Variants in KLHL1 observed in about 807,000 individuals in gnomAD.
KLHL1 encodes the protein kelch like family member 1, also known as kelch-like protein 1.
A neutral mutation model predicts 77.7 loss-of-function variants in KLHL1; 47 were observed. That is an observed-to-expected ratio of 0.60 (90% CI 0.48 to 0.77). The LOEUF (loss-of-function observed/expected upper bound fraction) is 0.77, where lower values mean the gene tolerates loss of function less well. Among genes scored for constraint, KLHL1 ranks in the 30% least tolerant of loss-of-function variants. The pLI, the probability that KLHL1 is intolerant of heterozygous loss-of-function variation, is 0.00. For missense variants in KLHL1, 925 were observed against 910.8 expected, an observed-to-expected ratio of 1.02 and a Z score of -0.20; for synonymous variants, 360 against 325.2, an observed-to-expected ratio of 1.11 and a Z score of -1.15.
chr13:69,705,139 T>C (rs1875567257), intron 10 of KLHL1, among the ~76,000 whole-genome samples: 1 of 151,638 alleles, frequency 6.6e-6, no homozygotes, highest in African/African-American at 2.4e-5. Context: ...ACCAAGATAA[T>C]ACATTATTAA....
intron 4 of KLHL1, among the ~76,000 whole-genome samples, chr13:69,916,130 A>G (rs1413446312): frequency 1.3e-5 from 2 of 152,078 alleles, no homozygotes; most frequent in African/African-American, 4.8e-5. Flanking sequence ...GAACACTTTT[A>G]CACTGTTGGT....
intron 5 of KLHL1, among the ~76,000 whole-genome samples, chr13:69,840,119 ATTAAAT>A (rs1879186789): frequency 6.6e-6 from 1 of 152,116 alleles, no homozygotes; most frequent in Non-Finnish European, 1.5e-5. Context: ...CATGTGACTA[ATTAAAT>A]TTAACACTAT....
chr13:69,942,631 C>T (rs184829052), intron 3 of KLHL1, among the ~76,000 whole-genome samples: 1,561 of 151,958 alleles, frequency 0.01, 26 homozygotes, highest in African/African-American at 0.035. Context: ...ACCCATATAA[C>T]CTTCATCTGG....
At chr13:69,923,836 C>T (rs1228104117) in intron 4 of KLHL1, among the ~76,000 whole-genome samples, 1 of 152,134 alleles carries the variant, frequency 6.6e-6, no homozygotes, top group Non-Finnish European at 1.5e-5. Flanking sequence ...GTTTGCACTT[C>T]CCAGGCGCAG....
At chr13:70,060,583 C>CCTGT (rs1886856985) in intron 1 of KLHL1, among the ~76,000 whole-genome samples, 1 of 151,856 alleles carries the variant, frequency 6.6e-6, no homozygotes, top group African/African-American at 2.4e-5. Context: ...ATGGCTCATG[C>CCTGT]CTGTAATCCA....
At chr13:69,747,978 T>C (rs1874291278) in intron 7 of KLHL1, among the ~76,000 whole-genome samples, 1 of 152,068 alleles carries the variant, frequency 6.6e-6, no homozygotes. Context: ...AACATTTACA[T>C]TATCCATTAA....
At chr13:69,880,388 G>T (rs575467036) in intron 5 of KLHL1, among the ~76,000 whole-genome samples, 20 of 152,130 alleles carry the variant, frequency 1.3e-4, no homozygotes, top group African/African-American at 4.1e-4. Flanking sequence ...TGTTGTGAAG[G>T]TACATATAAA....
intron 1 of KLHL1, among the ~76,000 whole-genome samples, chr13:70,052,728 T>TTC (rs943337285): frequency 6.6e-5 from 10 of 151,664 alleles, no homozygotes; most frequent in African/African-American, 1.9e-4. Context: ...CAGGCTCTCC[T>TTC]TCTCTCTCTC....
At chr13:69,963,665 C>A (rs954476005) in intron 2 of KLHL1, among the ~76,000 whole-genome samples, 1 of 152,086 alleles carries the variant, frequency 6.6e-6, no homozygotes, top group Admixed American at 6.6e-5. Flanking sequence ...AACACTCTAC[C>A]TTCATGGATA....
chr13:70,095,389 A>G (rs932461312), intron 1 of KLHL1, among the ~76,000 whole-genome samples: 28 of 152,204 alleles, frequency 1.8e-4, no homozygotes, highest in African/African-American at 6.5e-4. Flanking sequence ...ATAAAATTAC[A>G]TGGAATCTTA....
rs1298047800 is a variant in KLHL1, at chr13:69,844,763, T to TA, written c.1228-5602_1228-5601insT. On this transcript the variant is annotated intron_variant, in intron 5 of 10. Transcript: ENST00000377844. ...AAGCAATAAGGTTTTTCTTCTGGGT[T>TA]TTTTATTTATTTATTTATTTATTAA... 9.6e-3 allele frequency among the ~76,000 whole-genome samples: 1,414 copies of TA among 147,752 alleles called. 10 individuals are homozygous for TA. Among genetic ancestry groups the TA allele is most frequent in the Middle Eastern group, 0.049 (14 of 286 alleles).
At chr13:69,948,646 T>G (rs138504597) in intron 3 of KLHL1, among the ~76,000 whole-genome samples, 1 of 152,152 alleles carries the variant, frequency 6.6e-6, no homozygotes, top group Non-Finnish European at 1.5e-5. Context: ...TTTGAATTTA[T>G]ACTGCATTGA....
At chr13:69,824,438 C>T (rs1656767132) in intron 6 of KLHL1, among the ~76,000 whole-genome samples, 1 of 152,014 alleles carries the variant, frequency 6.6e-6, no homozygotes, top group Non-Finnish European at 1.5e-5. Flanking sequence ...ATAATATCAA[C>T]ATATATGTGC....
chr13:70,086,303 C>T (rs377380632), intron 1 of KLHL1, among the ~76,000 whole-genome samples: 1 of 151,140 alleles, frequency 6.6e-6, no homozygotes, highest in African/African-American at 2.4e-5. Flanking sequence ...GTAGACCTGG[C>T]TGGGCATGGA....
intron 5 of KLHL1, among the ~76,000 whole-genome samples, chr13:69,863,181 G>A (rs973492925): frequency 1.3e-5 from 2 of 151,952 alleles, no homozygotes; most frequent in African/African-American, 4.8e-5. Context: ...TTTTGTATAT[G>A]TTGTAATTAT....
At chr13:69,905,537 AAAGT>A (rs1214572233) in intron 4 of KLHL1, among the ~76,000 whole-genome samples, 2 of 152,078 alleles carry the variant, frequency 1.3e-5, no homozygotes, top group African/African-American at 2.4e-5. Context: ...TAGATATTAA[AAAGT>A]AAGACCAAAT....
At chr13:69,983,014 A>C (rs1884757158) in intron 1 of KLHL1, among the ~76,000 whole-genome samples, 1 of 152,152 alleles carries the variant, frequency 6.6e-6, no homozygotes, top group African/African-American at 2.4e-5. Flanking sequence ...TAAAGTTTCA[A>C]GATATAAAAT....
At chr13:69,839,237 G>T in intron 5 of KLHL1, 75 bp from the exon 6 acceptor site, 2 of 1,024,866 alleles carry the variant, frequency 2.0e-6, no homozygotes, top group Non-Finnish European at 2.8e-6. Flanking sequence ...AAAACTAGAA[G>T]TTTAATGTCT....
At chr13:69,760,740 A>C (rs9572264) in intron 7 of KLHL1, among the ~76,000 whole-genome samples, 34,302 of 152,068 alleles carry the variant, frequency 0.23, 4,015 homozygotes, top group South Asian at 0.31. Context: ...CAATACAAAT[A>C]CTGAAATATT....
Sources: allele counts gnomAD v4.1 joint callset (sites outside exome capture counted in the v4.1 genomes callset), GRCh38; gene constraint gnomAD v4.1.1; transcripts MANE v1.5; gene names NCBI Gene and HGNC (gene_info 2026-07-23, HGNC 2026-07-21).